Variants in GBF1 observed in about 807,000 individuals in gnomAD.
The protein encoded by GBF1 is golgi brefeldin A resistant guanine nucleotide exchange factor 1, also known as Golgi-specific brefeldin A-resistance guanine nucleotide exchange factor 1.
GBF1 carries 114 observed loss-of-function variants against 210.5 expected under a neutral mutation model. The observed-to-expected ratio is 0.54, with a 90% CI of 0.47 to 0.63. The LOEUF is 0.63. Among genes scored for constraint, GBF1 ranks in the 30% least tolerant of loss-of-function variants. The probability of loss-of-function intolerance (pLI) is 0.00; values close to 1 mark genes in which losing one functional copy is unlikely to be tolerated. For synonymous variants in GBF1, 850 were observed against 889.2 expected (o/e 0.96, Z 0.78); for missense variants, 1,851 against 2,357.7 (o/e 0.79, Z 4.45).
intron 3 of GBF1, among the ~76,000 whole-genome samples, chr10:102,343,078 C>T (rs555288062): frequency 1.3e-5 from 2 of 152,318 alleles, no homozygotes; most frequent in East Asian, 3.9e-4. Flanking sequence ...CCCTTCATCT[C>T]AGAGCAGTTA....
In GBF1 at chr10:102,363,661, G is replaced by A; in HGVS notation, c.2018-49G>A. The A allele has an allele frequency of 8.1e-7, 1 of 1,233,484 alleles. No individual in the cohort carries two copies. Among genetic ancestry groups the A allele is most frequent in the Non-Finnish European group, 1.2e-6 (1 of 834,162 alleles). 76.4% of individuals were successfully genotyped at this position (1,233,484 alleles called of 1,614,324 possible). On this transcript the variant is annotated intron_variant, in intron 16 of 39. Transcript: ENST00000369983. This position sits in a 1 kb window ranked among gnomAD's most constrained non-coding sequence, Gnocchi z 4.2. ...TGACCTTCCAAAAGTCCTTATCTGGGTAAAAAAAGGTGTTACAGATATTTC... is the reference window on the plus strand; with the variant it reads ...TGACCTTCCAAAAGTCCTTATCTGGATAAAAAAAGGTGTTACAGATATTTC...
chr10:102,381,370 G>T (rs1206772115), intron 39 of GBF1, 115 bp downstream of exon 39: 7 of 1,024,922 alleles, frequency 6.8e-6, no homozygotes, highest in Non-Finnish European at 1.0e-5. Flanking sequence ...GAGGGAAGAA[G>T]GCCACTAGAG....
chr10:102,288,724 A>AT, intron 3 of GBF1, among the ~76,000 whole-genome samples: 1 of 145,304 alleles, frequency 6.9e-6, no homozygotes, highest in Non-Finnish European at 1.5e-5. Flanking sequence ...TCTCAAAGGA[A>AT]AAAAAAAAAA....
chr10:102,350,959 C>T lies in GBF1; in HGVS notation c.296-297C>T, dbSNP rs557357247. 2.2e-4 allele frequency among the ~76,000 whole-genome samples: 34 copies of T among 151,812 alleles called. No homozygotes were observed. The South Asian group carries it at 4.2e-3, about 19-fold the overall frequency. On this transcript the variant is annotated intron_variant, in intron 4 of 39. Transcript: ENST00000369983. ...AAAATTAGCTGGGCATGGTGGTGGG[C>T]GCCTGTAATGCCAGCTACTCGGGAG...
At chr10:102,314,453 C>A (rs1331962852) in intron 3 of GBF1, among the ~76,000 whole-genome samples, 1 of 152,088 alleles carries the variant, frequency 6.6e-6, no homozygotes, top group East Asian at 1.9e-4. Flanking sequence ...AGCAACCTGT[C>A]AATTATTTGA....
At chr10:102,234,274 C>T in the GBF1 span, among the ~76,000 whole-genome samples, 1 of 152,162 alleles carries the variant, frequency 6.6e-6, no homozygotes, top group African/African-American at 2.4e-5. Flanking sequence ...ACTCCCCACC[C>T]CACCTCTCAA....
At chr10:102,254,801 G>C (rs767550462) in intron 1 of GBF1, among the ~76,000 whole-genome samples, 1 of 151,854 alleles carries the variant, frequency 6.6e-6, no homozygotes, top group Admixed American at 6.6e-5. Context: ...TCTGACACAA[G>C]ATAAATCTTA....
intron 3 of GBF1, among the ~76,000 whole-genome samples, chr10:102,338,442 C>CT (rs773495112): frequency 5.4e-4 from 82 of 151,824 alleles, no homozygotes; most frequent in Middle Eastern, 3.4e-3. Flanking sequence ...CATGGTTTCA[C>CT]TATGTTGGCC....
At chr10:102,253,548 C>G (rs924162947) in intron 1 of GBF1, among the ~76,000 whole-genome samples, 1 of 152,116 alleles carries the variant, frequency 6.6e-6, no homozygotes, top group East Asian at 1.9e-4. Flanking sequence ...GGGTCTTACT[C>G]TGTTGTCCAG....
chr10:102,291,678 G>A (rs2076448452), intron 3 of GBF1, among the ~76,000 whole-genome samples: 1 of 152,158 alleles, frequency 6.6e-6, no homozygotes, highest in Non-Finnish European at 1.5e-5. Context: ...GGCTTCCTAA[G>A]TAAGAAGTGG....
At chr10:102,360,707 G>C (rs2059548460) in intron 12 of GBF1, among the ~76,000 whole-genome samples, 1 of 152,238 alleles carries the variant, frequency 6.6e-6, no homozygotes, top group Non-Finnish European at 1.5e-5. Flanking sequence ...GCTGGGTGCA[G>C]TGGCTCACGC....
chr10:102,293,762 A>ATTTTTTTTTTTTTTT (rs1565071251), intron 3 of GBF1, among the ~76,000 whole-genome samples: 2 of 44,572 alleles, frequency 4.5e-5, no homozygotes, highest in Non-Finnish European at 8.3e-5. Flanking sequence ...CAGCTGTAGT[A>ATTTTTTTTTTTTTTT]TGTTTTGTGT....
chr10:102,271,559 C>A (rs1429975172), intron 3 of GBF1, among the ~76,000 whole-genome samples: 3 of 150,562 alleles, frequency 2.0e-5, no homozygotes, highest in African/African-American at 7.3e-5. Flanking sequence ...AGGACACCAG[C>A]CCATTTATGT....
At chr10:102,283,198 A>T (rs1180161732) in intron 3 of GBF1, among the ~76,000 whole-genome samples, 1 of 152,174 alleles carries the variant, frequency 6.6e-6, no homozygotes, top group Admixed American at 6.5e-5. Flanking sequence ...CTTAACAACC[A>T]CTTGTTAGTA....
intron 3 of GBF1, among the ~76,000 whole-genome samples, chr10:102,270,791 A>C (rs1369958001): frequency 2.6e-5 from 4 of 152,154 alleles, no homozygotes; most frequent in African/African-American, 4.8e-5. Context: ...TTATAGCTAT[A>C]ATTGGTTTTA....
chr10:102,367,070 T>C lies in GBF1; in HGVS notation c.2434-15T>C. 1 of 1,613,796 alleles carries C rather than the reference T, an allele frequency of 6.2e-7. No individual in the cohort carries two copies. Among genetic ancestry groups the C allele is most frequent in the Non-Finnish European group, 8.5e-7 (1 of 1,179,786 alleles). On this transcript the variant is annotated splice_polypyrimidine_tract_variant and intron_variant, in intron 19 of 39. Transcript: ENST00000369983. ...GAGAAGGGCATTGACACAGGCGGGA[T>C]CTTTGCTTTTTCAGAATTGTAATGG...
At chr10:102,311,847 A>G (rs1436655343) in intron 3 of GBF1, among the ~76,000 whole-genome samples, 1 of 152,186 alleles carries the variant, frequency 6.6e-6, no homozygotes, top group East Asian at 1.9e-4. Flanking sequence ...CCAGCAAATA[A>G]GAGTCTTTCA....
intron 3 of GBF1, among the ~76,000 whole-genome samples, chr10:102,284,609 G>A (rs1202116479): frequency 6.6e-6 from 1 of 152,056 alleles, no homozygotes. Context: ...ATTCTTTTTA[G>A]GATTGAATAA....
intron 1 of GBF1, among the ~76,000 whole-genome samples, chr10:102,246,483 T>G (rs954500434): frequency 6.6e-6 from 1 of 152,198 alleles, no homozygotes; most frequent in African/African-American, 2.4e-5. Flanking sequence ...GACATTTTTC[T>G]CTCAGATCTT....
Sources: allele counts gnomAD v4.1 joint callset (sites outside exome capture counted in the v4.1 genomes callset), GRCh38; gene constraint gnomAD v4.1.1; non-coding constraint Gnocchi (gnomAD v3.1); transcripts MANE v1.5; gene names NCBI Gene and HGNC (gene_info 2026-07-23, HGNC 2026-07-21).